Variants in SLC16A12 observed in about 807,000 individuals in gnomAD.
SLC16A12 encodes solute carrier family 16 member 12, also known as monocarboxylate transporter 12.
A neutral mutation model predicts 42.4 loss-of-function variants in SLC16A12; 17 were observed. The observed-to-expected ratio is 0.40, with a 90% CI of 0.27 to 0.60. SLC16A12 has a LOEUF of 0.60. Ranked by LOEUF, SLC16A12 falls within the 20% of genes least tolerant of loss-of-function variation. The probability of loss-of-function intolerance (pLI) is 0.42; values close to 1 mark genes in which losing one functional copy is unlikely to be tolerated. For synonymous variants in SLC16A12, 224 were observed against 229.4 expected, an observed-to-expected ratio of 0.98 and a Z score of 0.21; for missense variants, 544 against 623.0, an observed-to-expected ratio of 0.87 and a Z score of 1.35.
At chr10:89,443,170 T>C (rs1841942067) in intron 4 of SLC16A12, among the ~76,000 whole-genome samples, 1 of 152,212 alleles carries the variant, frequency 6.6e-6, no homozygotes, top group Non-Finnish European at 1.5e-5. Context: ...ATAATGAATA[T>C]GTTTATCTCA....
At chr10:89,526,199 G>A (rs1843449342) in intron 2 of SLC16A12, among the ~76,000 whole-genome samples, 1 of 152,016 alleles carries the variant, frequency 6.6e-6, no homozygotes. Flanking sequence ...CTGTACATGG[G>A]GGAATTATAA....
chr10:89,478,887 A>G (rs957540934), intron 2 of SLC16A12, among the ~76,000 whole-genome samples: 12 of 152,196 alleles, frequency 7.9e-5, no homozygotes. Context: ...AACTCTCATT[A>G]CAAGTGAATC....
intron 3 of SLC16A12, among the ~76,000 whole-genome samples, chr10:89,454,829 A>G (rs1842159803): frequency 6.6e-6 from 1 of 151,998 alleles, no homozygotes; most frequent in Non-Finnish European, 1.5e-5. Flanking sequence ...ATTTGTTTAT[A>G]TTCTTCACTA....
intron 4 of SLC16A12, 113 bp downstream of exon 4, chr10:89,443,643 T>C: frequency 1.2e-6 from 1 of 812,280 alleles, no homozygotes; most frequent in Non-Finnish European, 2.1e-6. Flanking sequence ...CTAGCCAGTT[T>C]TTAATGTAGC....
At chr10:89,544,559 C>G (rs1589738423) in intron 2 of SLC16A12, among the ~76,000 whole-genome samples, 1 of 152,250 alleles carries the variant, frequency 6.6e-6, no homozygotes, top group East Asian at 1.9e-4. Flanking sequence ...TATTCTGTTT[C>G]TCCAAATTAA....
At chr10:89,551,194 C>A (rs1045269828) in intron 2 of SLC16A12, among the ~76,000 whole-genome samples, 2 of 152,102 alleles carry the variant, frequency 1.3e-5, no homozygotes. Context: ...GTAATCCTAA[C>A]AATTTGGGAG....
chr10:89,485,174 T>C (rs1466819340), intron 2 of SLC16A12, among the ~76,000 whole-genome samples: 1 of 152,190 alleles, frequency 6.6e-6, no homozygotes, highest in Non-Finnish European at 1.5e-5. Flanking sequence ...GCAATGTCTA[T>C]AGAGGCATAT....
intron 3 of SLC16A12, among the ~76,000 whole-genome samples, chr10:89,457,183 A>G (rs1352703099): frequency 6.6e-6 from 1 of 152,238 alleles, no homozygotes; most frequent in African/African-American, 2.4e-5. Context: ...CATCAGAGTG[A>G]ACAGACAACC....
Position 89,554,147 on chromosome 10 carries a change from A to AAGGAAGGAAG in SLC16A12, c.-47+1734_-47+1735insCTTCCTTCCT, listed in dbSNP as rs1363375178. On this transcript the variant is annotated intron_variant, in intron 2 of 2. Coordinates refer to the SLC16A12 transcript ENST00000475682. ...AGGAAGGAAGGAAGGAAGGAAGGAA[A>AAGGAAGGAAG]GAAAGAAAGAAAATGGGAAAGTTCT... Among the ~76,000 whole-genome samples, 59 of 92,980 alleles carry AAGGAAGGAAG rather than the reference A, an allele frequency of 6.3e-4. 1 individual carries two copies. Among genetic ancestry groups the AAGGAAGGAAG allele is most frequent in the South Asian group, 1.3e-3 (4 of 3,006 alleles). The allele number at this position is 92,980 out of a possible 152,430, so 61.0% of individuals were successfully genotyped here.
intron 2 of SLC16A12, among the ~76,000 whole-genome samples, chr10:89,504,416 T>C (rs887070315): frequency 7.9e-5 from 12 of 152,190 alleles, no homozygotes; most frequent in African/African-American, 2.9e-4. Context: ...ACCCTTCATC[T>C]GGCCCATAAT....
chr10:89,515,369 C>T (rs1018569957), intron 2 of SLC16A12, among the ~76,000 whole-genome samples: 2 of 152,174 alleles, frequency 1.3e-5, no homozygotes, highest in Admixed American at 6.5e-5. Context: ...GGAATCCATG[C>T]CACAGACATT....
At chr10:89,541,466 G>A (rs1218754238) in intron 2 of SLC16A12, among the ~76,000 whole-genome samples, 5 of 152,144 alleles carry the variant, frequency 3.3e-5, no homozygotes, top group Admixed American at 6.5e-5. Context: ...ACATGGTGGT[G>A]AGCACCTGTA....
chr10:89,492,829 C>A (rs1489032063), intron 2 of SLC16A12, among the ~76,000 whole-genome samples: 1 of 151,992 alleles, frequency 6.6e-6, no homozygotes. Flanking sequence ...GTCTACCCAA[C>A]ATCTATGCCC....
intron 2 of SLC16A12, among the ~76,000 whole-genome samples, chr10:89,521,342 CTAGTACACA>C (rs1245905689): frequency 6.6e-6 from 1 of 152,236 alleles, no homozygotes; most frequent in African/African-American, 2.4e-5. Context: ...TGGATCAGAC[CTAGTACACA>C]TATTCTGTCA....
chr10:89,468,246 G>A (rs1412408272), intron 2 of SLC16A12: 1 of 152,194 alleles, frequency 6.6e-6, no homozygotes, highest in African/African-American at 2.4e-5. Context: ...ACCAGGGTGG[G>A]GAGAAAGAGC....
intron 2 of SLC16A12, among the ~76,000 whole-genome samples, chr10:89,485,322 C>T (rs1842728308): frequency 6.6e-6 from 1 of 152,118 alleles, no homozygotes; most frequent in East Asian, 1.9e-4. Flanking sequence ...GTTGAGAAAG[C>T]CTGATATAGA....
chr10:89,484,796 T>C (rs1052217251), intron 2 of SLC16A12, among the ~76,000 whole-genome samples: 11 of 152,184 alleles, frequency 7.2e-5, no homozygotes, highest in African/African-American at 2.7e-4. Context: ...AAATTGGAAA[T>C]ACTAGGTACT....
At chr10:89,533,391 A>G (rs1020987866) in intron 2 of SLC16A12, among the ~76,000 whole-genome samples, 2 of 152,194 alleles carry the variant, frequency 1.3e-5, no homozygotes, top group African/African-American at 4.8e-5. Flanking sequence ...CCAGAACAGC[A>G]CTAGGCATAC....
chr10:89,490,538 G>T (rs1292140313), intron 2 of SLC16A12, among the ~76,000 whole-genome samples: 1 of 152,082 alleles, frequency 6.6e-6, no homozygotes, highest in Non-Finnish European at 1.5e-5. Flanking sequence ...CTTTACTTAT[G>T]TTTACTGGTA....
Sources: allele counts gnomAD v4.1 joint callset (sites outside exome capture counted in the v4.1 genomes callset), GRCh38; gene constraint gnomAD v4.1.1; transcripts MANE v1.5; gene names NCBI Gene and HGNC (gene_info 2026-07-23, HGNC 2026-07-21).